Variants in SPATA17 observed in about 807,000 individuals in gnomAD.
SPATA17 encodes the protein spermatogenesis associated 17.
In SPATA17, 53 loss-of-function variants were observed where a neutral mutation model predicts 62.2. The observed-to-expected ratio is 0.85, with a 90% CI of 0.68 to 1.07. The LOEUF (loss-of-function observed/expected upper bound fraction) is 1.07, where lower values mean the gene tolerates loss of function less well. Among genes scored for constraint, SPATA17 ranks in the 50% least tolerant of loss-of-function variants. SPATA17 has a pLI of 0.00. For synonymous variants in SPATA17, 146 were observed against 146.8 expected, an observed-to-expected ratio of 0.99 and a Z score of 0.04; for missense variants, 466 against 425.5, an observed-to-expected ratio of 1.10 and a Z score of -0.84.
At position 217,802,095 on chromosome 1, in the gene SPATA17, G is replaced by A. The variant is rs528100651; in HGVS notation, c.1005+245G>A. Reference sequence around the variant, plus strand: ...CCTAGGATCAAAGGCATGGATCATTGGCTTTGGCATATGACCAGGTGGTCA... The same window carrying A: ...CCTAGGATCAAAGGCATGGATCATTAGCTTTGGCATATGACCAGGTGGTCA... On this transcript the variant is annotated intron_variant, in intron 9 of 10. Coordinates refer to ENST00000366933, the MANE Select transcript of SPATA17 (RefSeq NM_138796.4). Among the ~76,000 whole-genome samples the A allele has an allele frequency of 3.2e-4, 49 of 151,784 alleles. 3 individuals are homozygous for A. In the South Asian group the frequency reaches 0.01, roughly 32 times the overall value.
intron 8 of SPATA17, among the ~76,000 whole-genome samples, chr1:217,792,484 T>C (rs936081324): frequency 2.6e-5 from 4 of 152,218 alleles, no homozygotes; most frequent in African/African-American, 9.6e-5. Context: ...GCTTAACTGA[T>C]GACTTGTAAA....
intron 5 of SPATA17, among the ~76,000 whole-genome samples, chr1:217,706,829 T>C (rs1442372594): frequency 2.0e-5 from 3 of 152,060 alleles, no homozygotes; most frequent in Non-Finnish European, 4.4e-5. Flanking sequence ...TTAGCTATAT[T>C]TCTATTTATT....
At chr1:217,712,190 G>A (rs1671888299) in intron 5 of SPATA17, among the ~76,000 whole-genome samples, 1 of 143,550 alleles carries the variant, frequency 7.0e-6, no homozygotes, top group Non-Finnish European at 1.5e-5. Context: ...GCAATGGTAC[G>A]ATCTCGGCTC....
rs1558083838 is a variant in SPATA17 at position 217,869,458 on chromosome 1, GA to G, written c.*2440del. On this transcript the variant is annotated 3_prime_UTR_variant, in exon 11 of 11. Coordinates refer to ENST00000366933, the MANE Select transcript of SPATA17 (RefSeq NM_138796.4). ...CAGACTCTTAGTAAATTATCTCCTG[GA>G]TCAGTGAAAAGATGTGAAAAAAGGT... The G allele has an allele frequency of 6.6e-6, 1 of 152,066 alleles. No individual in the cohort carries two copies. Among genetic ancestry groups the G allele is most frequent in the Non-Finnish European group, 1.5e-5 (1 of 68,022 alleles). The allele number at this position is 152,066 out of a possible 1,614,324, so 9.4% of individuals were successfully genotyped here.
At chr1:217,831,210 C>T (rs960009289) in intron 9 of SPATA17, among the ~76,000 whole-genome samples, 7 of 152,086 alleles carry the variant, frequency 4.6e-5, no homozygotes, top group African/African-American at 1.4e-4. Context: ...ACTAGCAATG[C>T]ATTGTCATTT....
At chr1:217,824,382 A>C (rs913503124) in intron 9 of SPATA17, among the ~76,000 whole-genome samples, 1 of 151,764 alleles carries the variant, frequency 6.6e-6, no homozygotes, top group East Asian at 1.9e-4. Flanking sequence ...TGAGTCAAGT[A>C]GGTATAGAAT....
At chr1:217,826,581 A>G (rs774912616) in intron 9 of SPATA17, among the ~76,000 whole-genome samples, 4 of 152,082 alleles carry the variant, frequency 2.6e-5, no homozygotes, top group Non-Finnish European at 4.4e-5. Context: ...TAACTAATAT[A>G]TCCAGAATGA....
intron 3 of SPATA17, among the ~76,000 whole-genome samples, chr1:217,662,477 A>G (rs998960362): frequency 6.6e-6 from 1 of 152,174 alleles, no homozygotes. Context: ...AAGAGAAATT[A>G]TTCAAATTAT....
chr1:217,861,017 T>C (rs1675887267), intron 9 of SPATA17, among the ~76,000 whole-genome samples: 1 of 152,124 alleles, frequency 6.6e-6, no homozygotes, highest in Non-Finnish European at 1.5e-5. Flanking sequence ...GGAGTATACA[T>C]TTATGACTAA....
At chr1:217,865,325 G>T (rs935566287) in intron 10 of SPATA17, among the ~76,000 whole-genome samples, 1 of 152,072 alleles carries the variant, frequency 6.6e-6, no homozygotes, top group African/African-American at 2.4e-5. Context: ...CCATCAGTCC[G>T]ATTAGAAATA....
chr1:217,680,922 TAAAAAAAA>T (rs71166016), intron 4 of SPATA17, among the ~76,000 whole-genome samples: 3 of 58,152 alleles, frequency 5.2e-5, no homozygotes, highest in Non-Finnish European at 9.3e-5. Flanking sequence ...GAGACTCTGT[TAAAAAAAA>T]AAAAAAAAAA....
At chr1:217,722,129 AG>A (rs1672140481) in intron 5 of SPATA17, among the ~76,000 whole-genome samples, 1 of 152,158 alleles carries the variant, frequency 6.6e-6, no homozygotes, top group African/African-American at 2.4e-5. Context: ...TAGTGCAGGG[AG>A]AGAAAATGAC....
At chr1:217,647,722 A>G (rs1670218023) in intron 1 of SPATA17, among the ~76,000 whole-genome samples, 1 of 149,746 alleles carries the variant, frequency 6.7e-6, no homozygotes, top group South Asian at 2.1e-4. Flanking sequence ...GCCTCTTTTT[A>G]AAATTTTTTT....
intron 8 of SPATA17, among the ~76,000 whole-genome samples, chr1:217,786,177 G>A (rs985631717): frequency 1.3e-5 from 2 of 152,266 alleles, no homozygotes; most frequent in East Asian, 1.9e-4. Context: ...CTCTACTCTC[G>A]TGAAACTTAT....
intron 6 of SPATA17, among the ~76,000 whole-genome samples, chr1:217,749,985 C>CTCTCTCTCTCTCTCTATATA: frequency 4.1e-4 from 5 of 12,312 alleles, no homozygotes; most frequent in Non-Finnish European, 6.3e-4. Context: ...CTCTCTCTCT[C>CTCTCTCTCTCTCTCTATATA]TATATATATA....
chr1:217,751,897 T>C (rs192136042), intron 6 of SPATA17, among the ~76,000 whole-genome samples: 266 of 152,302 alleles, frequency 1.7e-3, no homozygotes, highest in Non-Finnish European at 2.7e-3. Context: ...AATAAATTCC[T>C]TAGAAAAACA....
chr1:217,812,510 T>A (rs956625435), intron 9 of SPATA17, among the ~76,000 whole-genome samples: 23 of 152,298 alleles, frequency 1.5e-4, no homozygotes, highest in African/African-American at 3.6e-4. Flanking sequence ...CTCATTTTTT[T>A]AATCTATTTG....
chr1:217,853,201 G>A (rs1405155350), intron 9 of SPATA17, among the ~76,000 whole-genome samples: 2 of 152,134 alleles, frequency 1.3e-5, no homozygotes, highest in East Asian at 3.9e-4. Context: ...ATGGTAATAT[G>A]AACATCTAGG....
chr1:217,707,211 G>T (rs1671757378), intron 5 of SPATA17, among the ~76,000 whole-genome samples: 1 of 152,020 alleles, frequency 6.6e-6, no homozygotes, highest in South Asian at 2.1e-4. Context: ...ATGCCTTCTT[G>T]ATTTGGCTCT....
Sources: gnomAD v4.1 joint callset for allele counts (sites outside exome capture counted in the v4.1 genomes callset) on GRCh38, gnomAD v4.1.1 for gene constraint, MANE v1.5 for transcripts, NCBI Gene and HGNC (gene_info 2026-07-23, HGNC 2026-07-21) for gene names.